NBEAL1: variants seen among roughly 807,000 people sequenced by gnomAD.
The protein encoded by NBEAL1 is neurobeachin-like protein 1.
Under a neutral mutation model 351.3 loss-of-function variants are expected in NBEAL1, and 273 were observed. The ratio of observed to expected loss-of-function variants is 0.78; its 90% CI spans 0.70 to 0.86. The LOEUF is 0.86. NBEAL1 is among the 40% of genes least tolerant of loss of function. The pLI is 0.00. For synonymous variants in NBEAL1, 1,050 were observed against 1,086.4 expected, an observed-to-expected ratio of 0.97 and a Z score of 0.66; for missense variants, 2,961 against 3,201.3, an observed-to-expected ratio of 0.92 and a Z score of 1.81.
chr2:203,059,784 C>T (rs955879744), intron 6 of NBEAL1, among the ~76,000 whole-genome samples: 18 of 152,118 alleles, frequency 1.2e-4, no homozygotes, highest in African/African-American at 3.9e-4. Context: ...CTGGGGATGC[C>T]GAGGTGGGAG....
In NBEAL1 at chr2:203,126,710, C is replaced by A; in HGVS notation, c.3139C>A (p.Arg1047=). ...RIWNRGDFPF[R]IGHIQYLSTI... Reference sequence around the variant, plus strand: ...TTGGAACCGTGGAGATTTTCCCTTTCGAATCGGTGAGAGCAGGCTTTCAGA... The same window carrying A: ...TTGGAACCGTGGAGATTTTCCCTTTAGAATCGGTGAGAGCAGGCTTTCAGA... The change falls in exon 22 of 56, where the codon CGA becomes AGA. Residue 1047 remains arginine, a synonymous_variant. Coordinates refer to ENST00000683969, the MANE Select transcript of NBEAL1 (RefSeq NM_001378026.1). 6.6e-7 allele frequency: 1 copy of A among 1,504,938 alleles called. No homozygotes were observed. The highest frequency in any genetic ancestry group is 8.9e-7 in the Non-Finnish European group (1 of 1,126,808). 93.2% of individuals were successfully genotyped at this position (1,504,938 alleles called of 1,614,324 possible).
intron 3 of NBEAL1, among the ~76,000 whole-genome samples, chr2:203,048,945 C>G (rs1282149786): frequency 6.6e-6 from 1 of 150,820 alleles, no homozygotes; most frequent in African/African-American, 2.4e-5. Context: ...ATCTTTTCTC[C>G]CTCTTCTGAT....
intron 10 of NBEAL1, among the ~76,000 whole-genome samples, chr2:203,094,173 T>G (rs2062128784): frequency 6.6e-6 from 1 of 152,192 alleles, no homozygotes; most frequent in Admixed American, 6.5e-5. Context: ...ATTTTCTAAT[T>G]GTATTACTGG....
Position 203,133,152 on chromosome 2 carries a change from TA to T in NBEAL1, c.3813+9del. On this transcript the variant is annotated splice_region_variant and intron_variant, in intron 27 of 55. Transcript: ENST00000683969. ...GAGTGGCCATCTGCAGAAAGGTCAG[TA>T]AACTCTTAAGATATATTTTAATGAT... 7.4e-7 allele frequency: 1 copy of T among 1,354,540 alleles called. No homozygotes were observed. The highest frequency in any genetic ancestry group is 1.0e-6 in the Non-Finnish European group (1 of 981,260). 83.9% of individuals were successfully genotyped at this position (1,354,540 alleles called of 1,614,324 possible). A position where few individuals can be genotyped will look rare whatever the true frequency, so the allele number is the denominator to read the frequency against.
Position 203,217,942 on chromosome 2 carries a change from C to T in NBEAL1, c.*588C>T. On this transcript the variant is annotated 3_prime_UTR_variant, in exon 56 of 56. Transcript: ENST00000683969. ...TTAGCGTGTTTCTAATGAGAAGTTA[C>T]TGAAATCTATTACTGTCCTTAATAA... The T allele has an allele frequency of 1.0e-6, 1 of 953,548 alleles. No individual in the cohort carries two copies. The highest frequency in any genetic ancestry group is 1.2e-6 in the Non-Finnish European group (1 of 801,032). 59.1% of individuals were successfully genotyped at this position (953,548 alleles called of 1,614,324 possible). A position where few individuals can be genotyped will look rare whatever the true frequency, so the allele number is the denominator to read the frequency against.
Position 203,183,347 on chromosome 2 carries a change from A to G in NBEAL1, c.6664A>G (p.Lys2222Glu). Residue 2222 changes from lysine to glutamate, a missense_variant, in exon 44 of 56, where the codon AAA becomes GAA. Coordinates refer to ENST00000683969, the MANE Select transcript of NBEAL1 (RefSeq NM_001378026.1). ...TGATGTCATTCTCCCGAAATGGGCTAAATCAGCTGAAGATTTCATCTATAA... is the reference window on the plus strand; with the variant it reads ...TGATGTCATTCTCCCGAAATGGGCTGAATCAGCTGAAGATTTCATCTATAA... ...VNDVILPKWA[K>E]SAEDFIYKHR... is the part of the protein sequence containing the mutation. 1 of 1,598,648 alleles carries G rather than the reference A, an allele frequency of 6.3e-7. No homozygotes were observed. The highest frequency in any genetic ancestry group is 8.5e-7 in the Non-Finnish European group (1 of 1,172,902).
chr2:203,029,794 T>C (rs564766258), intron 2 of NBEAL1, among the ~76,000 whole-genome samples: 1 of 152,324 alleles, frequency 6.6e-6, no homozygotes, highest in Admixed American at 6.5e-5. Flanking sequence ...TATATACACC[T>C]CTATTACAAT....
Position 203,148,925 on chromosome 2 carries a change from A to G in NBEAL1, c.5305-66A>G, listed in dbSNP as rs1226881619. On this transcript the variant is annotated intron_variant, in intron 33 of 55. Transcript: ENST00000683969. ...ATTGGTCAAAAATTTTAAATTATGG[A>G]ATTAAAATGTAAATATACCTGTAAA... The G allele has an allele frequency of 2.2e-6, 3 of 1,355,958 alleles. No homozygotes were observed. The African/African-American group carries it at 4.4e-5, about 20-fold the overall frequency. The allele number at this position is 1,355,958 out of a possible 1,614,324, so 84.0% of individuals were successfully genotyped here. A position where few individuals can be genotyped will look rare whatever the true frequency, so the allele number is the denominator to read the frequency against.
intron 42 of NBEAL1, among the ~76,000 whole-genome samples, chr2:203,179,538 GAC>G (rs1484945219): frequency 6.6e-6 from 1 of 151,974 alleles, no homozygotes; most frequent in Non-Finnish European, 1.5e-5. Context: ...ATTAAAATAA[GAC>G]AATAGATTAT....
intron 48 of NBEAL1, 107 bp downstream of exon 48, chr2:203,197,498 G>C (rs1273961981): frequency 1.4e-6 from 1 of 706,316 alleles, no homozygotes; most frequent in Non-Finnish European, 2.4e-6. Flanking sequence ...GCTGTGCATG[G>C]TGGTTCATGC....
intron 18 of NBEAL1, among the ~76,000 whole-genome samples, chr2:203,121,841 A>C (rs1037749282): frequency 6.6e-6 from 1 of 151,772 alleles, no homozygotes; most frequent in Non-Finnish European, 1.5e-5. Flanking sequence ...GCTGGAGTGC[A>C]TTGGCACCGT....
At position 203,213,535 on chromosome 2, in the gene NBEAL1, A is replaced by G. The variant is rs867067449; in HGVS notation, c.7952A>G (p.Asn2651Ser). Residue 2651 changes from asparagine to serine, a missense_variant, in exon 55 of 56, where the codon AAC (asparagine) becomes AGC (serine). Coordinates refer to ENST00000683969, the MANE Select transcript of NBEAL1 (RefSeq NM_001378026.1). Reference sequence around the variant, plus strand: ...TTTTCTAGCTTGAATCTCAGCATCAACCCATTAGCCATGCGACTGCCTATC... The same window carrying G: ...TTTTCTAGCTTGAATCTCAGCATCAGCCCATTAGCCATGCGACTGCCTATC... ...RDLHSLNLSI[N>S]PLAMRLPIHC... 1.2e-6 allele frequency: 2 copies of G among 1,613,178 alleles called. No homozygotes were observed. Among genetic ancestry groups the G allele is most frequent in the South Asian group, 2.2e-5 (2 of 90,842 alleles).
At chr2:203,099,530 AG>A in intron 11 of NBEAL1, 98 bp from the exon 12 acceptor site, 1 of 686,258 alleles carries the variant, frequency 1.5e-6, no homozygotes, top group Admixed American at 3.0e-5. Flanking sequence ...ATGCATGTTA[AG>A]TAATTATTTT....
chr2:203,065,334 ATTCTT>A (rs1340230222), intron 6 of NBEAL1, among the ~76,000 whole-genome samples: 1 of 152,198 alleles, frequency 6.6e-6, no homozygotes, highest in East Asian at 1.9e-4. Context: ...TCTTTGATCT[ATTCTT>A]ATTGTTGCAT....
At chr2:203,058,176 A>G (rs2061437408) in intron 6 of NBEAL1, among the ~76,000 whole-genome samples, 2 of 152,044 alleles carry the variant, frequency 1.3e-5, no homozygotes. Flanking sequence ...TCAGGATCCC[A>G]TAAGGAAAAC....
rs769704896 is a variant in NBEAL1, at chr2:203,130,416, A to T, written c.3504A>T (p.Ile1168=). 6.6e-7 allele frequency: 1 copy of T among 1,521,764 alleles called. No homozygotes were observed. The highest frequency in any genetic ancestry group is 1.3e-5 in the South Asian group (1 of 77,452). 94.3% of individuals were successfully genotyped at this position (1,521,764 alleles called of 1,614,324 possible). A position where few individuals can be genotyped will look rare whatever the true frequency, so the allele number is the denominator to read the frequency against. The change falls in exon 25 of 56, where the codon ATA becomes ATT. Residue 1168 remains isoleucine, a synonymous_variant. Transcript: ENST00000683969. ...LLLFEPGNAD[I]LYALLLNQKY... ...TTTTTGAACCAGGAAATGCTGACATACTGTACGCATTGCTCTTAAATCAGA... is the reference window on the plus strand; with the variant it reads ...TTTTTGAACCAGGAAATGCTGACATTCTGTACGCATTGCTCTTAAATCAGA...
Position 203,062,477 on chromosome 2 carries a change from C to T in NBEAL1, c.515+5024C>T, listed in dbSNP as rs1255934036. 6 of 348,728 alleles carry T rather than the reference C, an allele frequency of 1.7e-5. No individual in the cohort carries two copies. Among genetic ancestry groups the T allele is most frequent in the Non-Finnish European group, 3.3e-5 (6 of 179,904 alleles). 21.6% of individuals were successfully genotyped at this position (348,728 alleles called of 1,614,324 possible). A position where few individuals can be genotyped will look rare whatever the true frequency, so the allele number is the denominator to read the frequency against. On this transcript the variant is annotated intron_variant, in intron 6 of 55. Transcript: ENST00000683969. This position sits in a 1 kb window ranked among gnomAD's most constrained non-coding sequence, Gnocchi z 4.2. The stretch of plus-strand genomic sequence containing the variant: ...GCCTGCAGGTCACAGGCAACAGAGG[C>T]TGCCCCAGAACCACCTAAGGCCTCT...
chr2:203,126,052 C>G lies in NBEAL1; in HGVS notation c.2944C>G (p.His982Asp), dbSNP rs1418366369. Residue 982 changes from histidine to aspartate, a missense_variant, in exon 21 of 56, where the codon CAC (histidine) becomes GAC (aspartate). Coordinates refer to ENST00000683969, the MANE Select transcript of NBEAL1 (RefSeq NM_001378026.1). The stretch of plus-strand genomic sequence containing the variant: ...TCCTATCAACCAGGGCAATCTTATT[C>G]ACTCCCATGGAGTTGCAACTCTTGG... ...RHPINQGNLI[H>D]SHGVATLGAL... 4.5e-6 allele frequency: 7 copies of G among 1,544,240 alleles called. No homozygotes were observed. Among genetic ancestry groups the G allele is most frequent in the Non-Finnish European group, 6.1e-6 (7 of 1,144,024 alleles).
At chr2:203,098,874 G>A (rs2062243394) in intron 11 of NBEAL1, among the ~76,000 whole-genome samples, 1 of 152,012 alleles carries the variant, frequency 6.6e-6, no homozygotes, top group Admixed American at 6.6e-5. Context: ...TTTAACACAG[G>A]GTTTGGAAAC....
Sources: allele counts gnomAD v4.1 joint callset (sites outside exome capture counted in the v4.1 genomes callset), GRCh38; gene constraint gnomAD v4.1.1; non-coding constraint Gnocchi (gnomAD v3.1); transcripts MANE v1.5; gene names NCBI Gene and HGNC (gene_info 2026-07-23, HGNC 2026-07-21).